PTPRN2: variants seen among roughly 807,000 people sequenced by gnomAD.
PTPRN2 encodes the protein protein tyrosine phosphatase receptor type N2, also known as receptor-type tyrosine-protein phosphatase N2.
PTPRN2 carries 74 observed loss-of-function variants against 118.8 expected under a neutral mutation model. The observed-to-expected ratio is 0.62, with a 90% CI of 0.52 to 0.76. The LOEUF is 0.76. Ranked by LOEUF, PTPRN2 falls within the 30% of genes least tolerant of loss-of-function variation. PTPRN2 has a pLI of 0.00. For missense variants in PTPRN2, 1,481 were observed against 1,394.4 expected (o/e 1.06, Z -0.99); for synonymous variants, 641 against 608.0 (o/e 1.05, Z -0.80).
chr7:158,180,213 A>T lies in PTPRN2; in HGVS notation c.549+12114T>A, dbSNP rs1246918078. The stretch of plus-strand genomic sequence containing the variant: ...ACATGTGGCTATCCAGTTTTACCAA[A>T]ACCATTTATCAAACAGGTGTCCTTT... On this transcript the variant is annotated intron_variant, in intron 5 of 22. Transcript: ENST00000389418. Among the ~76,000 whole-genome samples, 6 of 152,192 alleles carry T rather than the reference A, an allele frequency of 3.9e-5. No homozygotes were observed. In the South Asian group the frequency reaches 1.2e-3, roughly 32 times the overall value.
At chr7:158,178,951 T>C (rs1377348973) in intron 5 of PTPRN2, among the ~76,000 whole-genome samples, 2 of 152,212 alleles carry the variant, frequency 1.3e-5, no homozygotes, top group Non-Finnish European at 1.5e-5. Flanking sequence ...CAATTGTGAA[T>C]TGTGCTGCAA....
chr7:157,802,492 T>C (rs1805377648), intron 12 of PTPRN2, among the ~76,000 whole-genome samples: 1 of 152,244 alleles, frequency 6.6e-6, no homozygotes, highest in South Asian at 2.1e-4. Flanking sequence ...CTGGGGGACA[T>C]GTGCTTCCAT....
At chr7:157,895,599 G>C (rs909644761) in intron 12 of PTPRN2, among the ~76,000 whole-genome samples, 1 of 152,172 alleles carries the variant, frequency 6.6e-6, no homozygotes, top group Non-Finnish European at 1.5e-5. Context: ...AAAGTACCCA[G>C]CATTTGAGTT....
intron 1 of PTPRN2, among the ~76,000 whole-genome samples, chr7:158,575,589 C>T (rs922786843): frequency 6.6e-6 from 1 of 152,176 alleles, no homozygotes; most frequent in East Asian, 1.9e-4. Flanking sequence ...TGGTCTCAAA[C>T]TCTTGGCCTC....
chr7:158,270,807 CA>C (rs1798325441), intron 3 of PTPRN2, among the ~76,000 whole-genome samples: 3 of 13,002 alleles, frequency 2.3e-4, no homozygotes, highest in Non-Finnish European at 3.1e-4. Context: ...ACCACCCCCT[CA>C]CCTGGACCGC....
At chr7:157,735,758 G>A (rs1800258354) in intron 12 of PTPRN2, among the ~76,000 whole-genome samples, 2 of 152,270 alleles carry the variant, frequency 1.3e-5, no homozygotes, top group Middle Eastern at 3.4e-3. Context: ...GAGACGCTCC[G>A]CAAATGTGGG....
chr7:157,904,975 G>A (rs762161302), intron 11 of PTPRN2, among the ~76,000 whole-genome samples: 8 of 152,132 alleles, frequency 5.3e-5, no homozygotes, highest in Non-Finnish European at 7.3e-5. Context: ...GACACCTCCC[G>A]ACATTATTCC....
At position 157,977,109 on chromosome 7, in the gene PTPRN2, T is replaced by C. The variant is rs1802813562; in HGVS notation, c.1724-78372A>G. Among the ~76,000 whole-genome samples the C allele has an allele frequency of 1.3e-5, 2 of 151,992 alleles. No individual in the cohort carries two copies. The highest frequency in any genetic ancestry group is 2.1e-4 in the South Asian group (1 of 4,822). On this transcript the variant is annotated intron_variant, in intron 11 of 22. Coordinates refer to ENST00000389418, the MANE Select transcript of PTPRN2 (RefSeq NM_002847.5). This position sits in a 1 kb window ranked among gnomAD's most constrained non-coding sequence, Gnocchi z 4.6. ...ATGCAAGGGTAGGAACCACAGCTAA[T>C]AGTCCATGAATCTAATAATTAGTTA... is the stretch of plus-strand genomic sequence containing the variant.
At position 158,570,519 on chromosome 7, in the gene PTPRN2, G is replaced by A. The variant is rs573189615; in HGVS notation, c.112+17039C>T. The stretch of plus-strand genomic sequence containing the variant: ...CCCTCAACTGACGCGTCTCCCCGTG[G>A]TGGGTCCCGATCCCCCGGCCGGCTC... On this transcript the variant is annotated intron_variant, in intron 1 of 22. Transcript: ENST00000389418. This position sits in a 1 kb window ranked among gnomAD's most constrained non-coding sequence, Gnocchi z 4.5. Among the ~76,000 whole-genome samples the A allele has an allele frequency of 1.1e-3, 168 of 152,250 alleles. 2 individuals carry two copies. In the Middle Eastern group the frequency reaches 0.014, roughly 12 times the overall value.
intron 10 of PTPRN2, among the ~76,000 whole-genome samples, chr7:158,085,144 T>C (rs1585384086): frequency 3.1e-5 from 2 of 65,564 alleles, no homozygotes; most frequent in African/African-American, 6.2e-5. Flanking sequence ...ACCACACCCA[T>C]CCACACCCTC....
chr7:157,734,921 A>G (rs761535025), intron 12 of PTPRN2, among the ~76,000 whole-genome samples: 1 of 152,184 alleles, frequency 6.6e-6, no homozygotes, highest in Non-Finnish European at 1.5e-5. Context: ...GCAAGTTGCT[A>G]TGGAGGAAAC....
chr7:158,247,083 T>C (rs1300047836), intron 3 of PTPRN2, among the ~76,000 whole-genome samples: 5 of 152,198 alleles, frequency 3.3e-5, no homozygotes, highest in South Asian at 2.1e-4. Flanking sequence ...AAACCATCCC[T>C]GGCACGGGCT....
intron 11 of PTPRN2, among the ~76,000 whole-genome samples, chr7:157,950,101 T>C (rs1173818308): frequency 6.6e-6 from 1 of 152,216 alleles, no homozygotes; most frequent in East Asian, 1.9e-4. Context: ...TTAAAGTTTG[T>C]GTTATGACAG....
chr7:157,580,505 T>C (rs1245502309), intron 17 of PTPRN2, among the ~76,000 whole-genome samples: 46 of 95,724 alleles, frequency 4.8e-4, no homozygotes, highest in East Asian at 3.5e-4. Context: ...CTGCACACCG[T>C]GGCACCTGCA....
chr7:158,255,691 C>T (rs1455823649), intron 3 of PTPRN2, among the ~76,000 whole-genome samples: 1 of 152,186 alleles, frequency 6.6e-6, no homozygotes, highest in African/African-American at 2.4e-5. Flanking sequence ...CCCGCTGGGG[C>T]TGTGCTGTCC....
At chr7:158,164,802 G>C (rs545934595) in intron 6 of PTPRN2, among the ~76,000 whole-genome samples, 20 of 152,324 alleles carry the variant, frequency 1.3e-4, no homozygotes, top group African/African-American at 4.6e-4. Context: ...ATAGAGGTGG[G>C]AGAATGCAGG....
chr7:157,968,595 CGGCTGG>C (rs1563283227), intron 11 of PTPRN2, among the ~76,000 whole-genome samples: 3 of 152,138 alleles, frequency 2.0e-5, no homozygotes, highest in African/African-American at 7.2e-5. Flanking sequence ...CAGCAGGTGC[CGGCTGG>C]GGCTGGGCTC....
intron 11 of PTPRN2, among the ~76,000 whole-genome samples, chr7:157,919,809 C>T (rs973039669): frequency 5.3e-5 from 8 of 152,192 alleles, no homozygotes; most frequent in Admixed American, 2.6e-4. Flanking sequence ...TGATGAACCA[C>T]ATACACCCAC....
intron 22 of PTPRN2, among the ~76,000 whole-genome samples, chr7:157,546,471 C>A: frequency 6.6e-6 from 1 of 152,198 alleles, no homozygotes; most frequent in Non-Finnish European, 1.5e-5. Context: ...CTATTCCCCT[C>A]CCAGTGTCCA....
Sources: gnomAD v4.1 joint callset for allele counts (sites outside exome capture counted in the v4.1 genomes callset) on GRCh38, gnomAD v4.1.1 for gene constraint, Gnocchi (gnomAD v3.1) non-coding constraint, MANE v1.5 for transcripts, NCBI Gene and HGNC (gene_info 2026-07-23, HGNC 2026-07-21) for gene names.